The following PCED1B variants were observed in gnomAD, a reference collection of about 807,000 sequenced individuals.
PCED1B encodes PC-esterase domain containing 1B.
For missense variants in PCED1B, 573 were observed against 573.9 expected, an observed-to-expected ratio of 1.00 and a Z score of 0.02; for synonymous variants, 251 against 246.1, an observed-to-expected ratio of 1.02 and a Z score of -0.19.
chr12:47,221,738 T>C (rs1943484683), intron 3 of PCED1B, among the ~76,000 whole-genome samples: 1 of 152,166 alleles, frequency 6.6e-6, no homozygotes. Context: ...GGGAGACTGT[T>C]CAAAGGTCAC....
chr12:47,130,883 A>G (rs901334314), intron 2 of PCED1B, among the ~76,000 whole-genome samples: 4 of 152,222 alleles, frequency 2.6e-5, no homozygotes, highest in African/African-American at 7.2e-5. Context: ...ACAGATTATT[A>G]TTCTCACATC....
chr12:47,219,224 A>T (rs1473415943), intron 3 of PCED1B, among the ~76,000 whole-genome samples: 1 of 152,244 alleles, frequency 6.6e-6, no homozygotes, highest in Non-Finnish European at 1.5e-5. Context: ...GGTAACAATA[A>T]TGATAGCAAC....
intron 2 of PCED1B, among the ~76,000 whole-genome samples, chr12:47,178,775 G>C (rs1186493165): frequency 5.3e-5 from 8 of 150,486 alleles, no homozygotes; most frequent in Non-Finnish European, 1.0e-4. Flanking sequence ...GCTGAGGCAG[G>C]AGAACTGCTT....
intron 2 of PCED1B, among the ~76,000 whole-genome samples, chr12:47,114,187 A>G (rs1490367887): frequency 6.6e-6 from 1 of 152,146 alleles, no homozygotes; most frequent in East Asian, 1.9e-4. Context: ...GCACACCTTC[A>G]TGAGTATCCA....
intron 2 of PCED1B, among the ~76,000 whole-genome samples, chr12:47,189,651 T>C (rs749652067): frequency 6.6e-6 from 1 of 152,202 alleles, no homozygotes; most frequent in Non-Finnish European, 1.5e-5. Flanking sequence ...AGGTCTTATT[T>C]GCACTTTCAG....
chr12:47,083,327 C>T (rs1937831983), intron 1 of PCED1B, among the ~76,000 whole-genome samples: 1 of 152,082 alleles, frequency 6.6e-6, no homozygotes, highest in Non-Finnish European at 1.5e-5. Flanking sequence ...TGGCAGATAT[C>T]TTGTTGCCTC....
At chr12:47,155,316 GAAAA>G (rs1275529059) in intron 2 of PCED1B, among the ~76,000 whole-genome samples, 7 of 152,124 alleles carry the variant, frequency 4.6e-5, no homozygotes, top group African/African-American at 1.4e-4. Context: ...AACTAAGAAA[GAAAA>G]GTCACTGCCA....
intron 2 of PCED1B, among the ~76,000 whole-genome samples, chr12:47,120,677 C>T (rs1047031206): frequency 1.3e-5 from 2 of 152,060 alleles, no homozygotes; most frequent in Non-Finnish European, 2.9e-5. Flanking sequence ...TGGTCAGTAC[C>T]TGTAATTCCA....
intron 2 of PCED1B, among the ~76,000 whole-genome samples, chr12:47,150,172 T>G (rs1949863): frequency 0.096 from 14,552 of 152,214 alleles, 1,300 homozygotes; most frequent in African/African-American, 0.23. Flanking sequence ...TATATACATA[T>G]GTATTTAGTT....
intron 2 of PCED1B, among the ~76,000 whole-genome samples, chr12:47,134,296 T>C (rs1940254350): frequency 6.6e-6 from 1 of 152,266 alleles, no homozygotes. Flanking sequence ...AGTTGTGTGT[T>C]TGTTTTCCCT....
chr12:47,148,084 T>G (rs146583919), intron 2 of PCED1B, among the ~76,000 whole-genome samples: 1 of 152,198 alleles, frequency 6.6e-6, no homozygotes, highest in Non-Finnish European at 1.5e-5. Context: ...CTTCATGCTA[T>G]GCCATCGCAT....
intron 2 of PCED1B, among the ~76,000 whole-genome samples, chr12:47,160,120 A>G (rs1183381966): frequency 6.6e-6 from 1 of 151,968 alleles, no homozygotes; most frequent in Non-Finnish European, 1.5e-5. Context: ...TACCAATATC[A>G]TGATATTTTG....
chr12:47,113,381 C>T (rs1565754781), intron 2 of PCED1B, among the ~76,000 whole-genome samples: 1 of 152,144 alleles, frequency 6.6e-6, no homozygotes, highest in South Asian at 2.1e-4. Context: ...TGATTTAGTT[C>T]AATCTTCACA....
At chr12:47,147,219 A>G (rs1199366415) in intron 2 of PCED1B, among the ~76,000 whole-genome samples, 1 of 151,830 alleles carries the variant, frequency 6.6e-6, no homozygotes, top group Non-Finnish European at 1.5e-5. Context: ...GTTTCACCAT[A>G]TTGGCCAGGC....
rs571583975 is a variant in PCED1B, at chr12:47,176,416, A to T, written c.-525-39806A>T. On this transcript the variant is annotated intron_variant, in intron 2 of 3. Transcript: ENST00000546455. ...TGAAGGCTGGACACCAGAAAAACCA[A>T]GCCATGATTAGAAGCTTGGAAACTT... Among the ~76,000 whole-genome samples the T allele has an allele frequency of 4.6e-5, 7 of 152,284 alleles. No homozygotes were observed. In the East Asian group the frequency reaches 1.4e-3, roughly 29 times the overall value.
intron 2 of PCED1B, among the ~76,000 whole-genome samples, chr12:47,116,627 G>C (rs990764225): frequency 6.6e-6 from 1 of 152,274 alleles, no homozygotes; most frequent in Admixed American, 6.5e-5. Flanking sequence ...GATCATTTGA[G>C]CCAAATTATT....
chr12:47,218,748 G>A (rs12313110), intron 3 of PCED1B, among the ~76,000 whole-genome samples: 3 of 146,420 alleles, frequency 2.0e-5, no homozygotes, highest in Non-Finnish European at 3.0e-5. Context: ...TCAAGCAATC[G>A]TCCCTCCTTG....
At chr12:47,109,648 A>G (rs575969637) in intron 2 of PCED1B, among the ~76,000 whole-genome samples, 4 of 152,294 alleles carry the variant, frequency 2.6e-5, no homozygotes, top group African/African-American at 9.6e-5. Flanking sequence ...GTTCCCTCAT[A>G]TTTATCTCTA....
At chr12:47,170,838 G>T (rs573068567) in intron 2 of PCED1B, among the ~76,000 whole-genome samples, 1 of 151,964 alleles carries the variant, frequency 6.6e-6, no homozygotes, top group South Asian at 2.1e-4. Flanking sequence ...GTCTTACTTT[G>T]CATTTCCTCT....
Sources: gnomAD v4.1 joint callset for allele counts (sites outside exome capture counted in the v4.1 genomes callset) on GRCh38, gnomAD v4.1.1 for gene constraint, MANE v1.5 for transcripts, NCBI Gene and HGNC (gene_info 2026-07-23, HGNC 2026-07-21) for gene names.